The following CHL1 variants were observed in gnomAD, a reference collection of about 807,000 sequenced individuals.
CHL1 encodes neural cell adhesion molecule L1-like protein.
CHL1 carries 96 observed loss-of-function variants against 141.9 expected under a neutral mutation model. That is an observed-to-expected ratio of 0.68 (90% CI 0.57 to 0.80). The LOEUF is 0.80. CHL1 is among the 30% of genes least tolerant of loss of function. The probability of loss-of-function intolerance (pLI) is 0.00; values close to 1 mark genes in which losing one functional copy is unlikely to be tolerated. For synonymous variants in CHL1, 613 were observed against 502.2 expected (o/e 1.22, Z -2.95); for missense variants, 1,820 against 1,457.2 (o/e 1.25, Z -4.05).
chr3:266,530 G>A (rs1384376958), intron 2 of CHL1, among the ~76,000 whole-genome samples: 2 of 152,088 alleles, frequency 1.3e-5, no homozygotes, highest in Non-Finnish European at 1.5e-5. Context: ...TTTGCTCTGC[G>A]GCTGCTCTTT....
rs1219101720 is a variant in CHL1, at chr3:361,816, C to G, written c.1418+6C>G. On this transcript the variant is annotated splice_donor_region_variant and intron_variant, in intron 13 of 27. Coordinates refer to ENST00000256509, the MANE Select transcript of CHL1 (RefSeq NM_006614.4). Reference sequence around the variant, plus strand: ...CCTGAGGCAGTCGTGTCCTGGTAAGCCGGTGGCTCATGGTTTTCTTAAGAG... The same window carrying G: ...CCTGAGGCAGTCGTGTCCTGGTAAGGCGGTGGCTCATGGTTTTCTTAAGAG... 1 of 1,576,206 alleles carries G rather than the reference C, an allele frequency of 6.3e-7. No homozygotes were observed. The highest frequency in any genetic ancestry group is 8.7e-7 in the Non-Finnish European group (1 of 1,145,868).
intron 2 of CHL1, among the ~76,000 whole-genome samples, chr3:291,100 A>T (rs1405474147): frequency 1.3e-5 from 2 of 152,082 alleles, no homozygotes; most frequent in Non-Finnish European, 2.9e-5. Context: ...TTTTTGCTGT[A>T]AACCAGGGTT....
intron 11 of CHL1, among the ~76,000 whole-genome samples, chr3:356,208 G>T (rs1559301724): frequency 6.6e-6 from 1 of 152,202 alleles, no homozygotes; most frequent in Non-Finnish European, 1.5e-5. Context: ...GAAGGGAAAT[G>T]AAAGCAACTT....
rs192968652 is a variant in CHL1, at chr3:332,985, T to G, written c.385+4631T>G. Among the ~76,000 whole-genome samples, 405 of 150,240 alleles carry G rather than the reference T, an allele frequency of 2.7e-3. 11 individuals are homozygous for G. The highest frequency in any genetic ancestry group is 7.0e-4 in the Non-Finnish European group (47 of 67,274). ...AGATTCTGCAATTAAAGGATTTCAG[T>G]TTTTTTTTCTGTCATTATCTAGGCA... On this transcript the variant is annotated intron_variant, in intron 5 of 27. Transcript: ENST00000256509.
chr3:321,965 C>A (rs1339095463), intron 3 of CHL1, among the ~76,000 whole-genome samples: 2 of 152,070 alleles, frequency 1.3e-5, no homozygotes, highest in African/African-American at 4.8e-5. Context: ...TTAGTTATTG[C>A]TGAGCCTTTA....
At position 398,264 on chromosome 3, in the gene CHL1, T is replaced by A. The variant is rs202227204; in HGVS notation, c.3132T>A (p.Thr1044=). Reference sequence around the variant, plus strand: ...GGAAGATATCAGGAGTAAATCTTACTCAAAAGACTCACCCAATAGAGGTAT... The same window carrying A: ...GGAAGATATCAGGAGTAAATCTTACACAAAAGACTCACCCAATAGAGGTAT... ...GIGKISGVNL[T]QKTHPIEVFE... The change falls in exon 25 of 28, where the codon ACT becomes ACA. Residue 1044 remains threonine (T), a synonymous_variant. Transcript: ENST00000256509. 3 of 1,606,822 alleles carry A rather than the reference T, an allele frequency of 1.9e-6. No homozygotes were observed. The Admixed American group carries it at 5.0e-5, about 27-fold the overall frequency.
chr3:393,904 G>A (rs1359290576), intron 23 of CHL1, among the ~76,000 whole-genome samples: 3 of 152,100 alleles, frequency 2.0e-5, no homozygotes. Context: ...AATAATAAAT[G>A]CATTTTTTTA....
chr3:333,124 A>ATTTTTTT (rs879790982), intron 5 of CHL1, among the ~76,000 whole-genome samples: 5,406 of 82,982 alleles, frequency 0.065, 1,782 homozygotes, highest in South Asian at 0.09. Context: ...TAATTGCTCT[A>ATTTTTTT]TTTTTTTTAT....
rs1391985496 is a variant in CHL1 at position 326,845 on chromosome 3, T to C, written c.197+781T>C. 2.0e-5 allele frequency among the ~76,000 whole-genome samples: 3 copies of C among 151,946 alleles called. No homozygotes were observed. The East Asian group carries it at 5.8e-4, about 29-fold the overall frequency. ...TTTAATGAAAATTGATGATTTTCAA[T>C]TGTATCATGACTATTATTATTGCCT... On this transcript the variant is annotated intron_variant, in intron 4 of 27. Coordinates refer to ENST00000256509, the MANE Select transcript of CHL1 (RefSeq NM_006614.4).
intron 2 of CHL1, chr3:248,506 A>T (rs1693388813): frequency 1.3e-5 from 2 of 152,062 alleles, no homozygotes. Context: ...CAAACGACAT[A>T]TTTAATGTGT....
intron 2 of CHL1, among the ~76,000 whole-genome samples, chr3:277,222 T>A (rs1426371454): frequency 6.6e-6 from 1 of 152,166 alleles, no homozygotes; most frequent in Non-Finnish European, 1.5e-5. Flanking sequence ...ATGCATCTGC[T>A]TGAAAACTAA....
chr3:323,557 A>G (rs1304745318), intron 3 of CHL1, among the ~76,000 whole-genome samples: 1 of 152,126 alleles, frequency 6.6e-6, no homozygotes, highest in African/African-American at 2.4e-5. Flanking sequence ...TGTTTAAAAA[A>G]CTACACTTGT....
chr3:275,781 G>A lies in CHL1; in HGVS notation c.-95+31089G>A, dbSNP rs140298244. ...ACAAAGCCTATTACTGTGTTCTAAA[G>A]AATAGATCTCAGTCTGAAAAGAATG... On this transcript the variant is annotated intron_variant, in intron 2 of 27. Transcript: ENST00000256509. 5.2e-3 allele frequency among the ~76,000 whole-genome samples: 797 copies of A among 152,068 alleles called. 7 individuals are homozygous for A. The highest frequency in any genetic ancestry group is 0.018 in the African/African-American group (748 of 41,474).
chr3:354,145 A>G (rs559944911), intron 10 of CHL1, among the ~76,000 whole-genome samples: 1 of 152,356 alleles, frequency 6.6e-6, no homozygotes, highest in Non-Finnish European at 1.5e-5. Context: ...GATTATATGT[A>G]TAAATGCTAT....
At chr3:367,718 T>A (rs1705081236) in intron 15 of CHL1, among the ~76,000 whole-genome samples, 2 of 152,228 alleles carry the variant, frequency 1.3e-5, no homozygotes, top group African/African-American at 2.4e-5. Context: ...ACATGCAGAT[T>A]TGTTACATAG....
intron 3 of CHL1, among the ~76,000 whole-genome samples, chr3:323,536 A>G (rs569145420): frequency 1.3e-5 from 2 of 152,278 alleles, no homozygotes; most frequent in East Asian, 3.9e-4. Flanking sequence ...TAGATTTCAC[A>G]TTTCAATGAA....
chr3:343,111 C>T, intron 8 of CHL1, 80 bp downstream of exon 8: 2 of 1,108,100 alleles, frequency 1.8e-6, no homozygotes, highest in Non-Finnish European at 2.6e-6. Context: ...TCTTTAATAT[C>T]CTCTTAAGTT....
intron 5 of CHL1, among the ~76,000 whole-genome samples, chr3:336,090 A>G (rs1701840883): frequency 6.6e-6 from 1 of 152,212 alleles, no homozygotes; most frequent in African/African-American, 2.4e-5. Flanking sequence ...CAAAGATCGC[A>G]TAGGAAGAGA....
intron 2 of CHL1, among the ~76,000 whole-genome samples, chr3:287,543 C>T (rs953567537): frequency 1.3e-5 from 2 of 152,096 alleles, no homozygotes. Flanking sequence ...TAGAATCCAT[C>T]CTAAAATGTC....
Sources: gnomAD v4.1 joint callset for allele counts (sites outside exome capture counted in the v4.1 genomes callset) on GRCh38, gnomAD v4.1.1 for gene constraint, MANE v1.5 for transcripts, NCBI Gene and HGNC (gene_info 2026-07-23, HGNC 2026-07-21) for gene names.